Variants in PTPRD observed in about 807,000 individuals in gnomAD.
The protein encoded by PTPRD is protein tyrosine phosphatase receptor type D, also known as receptor-type tyrosine-protein phosphatase delta.
PTPRD carries 34 observed loss-of-function variants against 214.5 expected under a neutral mutation model. The ratio of observed to expected loss-of-function variants is 0.16; its 90% CI spans 0.12 to 0.21. The LOEUF (loss-of-function observed/expected upper bound fraction) is 0.21, where lower values mean the gene tolerates loss of function less well. PTPRD is among the 10% of genes least tolerant of loss of function. The pLI is 1.00. For synonymous variants in PTPRD, 1,128 were observed against 845.7 expected, an observed-to-expected ratio of 1.33 and a Z score of -5.79; for missense variants, 2,545 against 2,398.7, an observed-to-expected ratio of 1.06 and a Z score of -1.27.
intron 2 of PTPRD, among the ~76,000 whole-genome samples, chr9:10,546,635 G>T (rs1285168752): frequency 6.6e-6 from 1 of 151,988 alleles, no homozygotes; most frequent in Non-Finnish European, 1.5e-5. Flanking sequence ...AGCATTATAT[G>T]CCTTTCTAGG....
At chr9:9,948,575 A>T (rs944372756) in intron 4 of PTPRD, among the ~76,000 whole-genome samples, 3 of 152,130 alleles carry the variant, frequency 2.0e-5, no homozygotes, top group Non-Finnish European at 4.4e-5. Flanking sequence ...CTCTTTAGTG[A>T]TTGGCTTATG....
At chr9:9,955,536 T>TTTGTTTTGTTTTGTTTTG (rs1566698893) in intron 4 of PTPRD, among the ~76,000 whole-genome samples, 1 of 140,986 alleles carries the variant, frequency 7.1e-6, no homozygotes, top group East Asian at 2.0e-4. Flanking sequence ...GTTTTTTTTT[T>TTTGTTTTGTTTTGTTTTG]TTTTTGAGAC....
At chr9:8,822,822 C>G (rs1426659623) in intron 11 of PTPRD, among the ~76,000 whole-genome samples, 1 of 152,014 alleles carries the variant, frequency 6.6e-6, no homozygotes. Flanking sequence ...CTCCCATCCC[C>G]CAAAACCACC....
At chr9:10,240,024 G>A (rs978897183) in intron 3 of PTPRD, among the ~76,000 whole-genome samples, 2 of 151,946 alleles carry the variant, frequency 1.3e-5, no homozygotes, top group Non-Finnish European at 2.9e-5. Flanking sequence ...ATACTGAGGA[G>A]GGAAAAGTGT....
At chr9:8,324,003 C>A (rs1311895739) in intron 44 of PTPRD, among the ~76,000 whole-genome samples, 1 of 152,040 alleles carries the variant, frequency 6.6e-6, no homozygotes, top group Non-Finnish European at 1.5e-5. Context: ...CCTTCAGAAA[C>A]CACCGCCCAT....
At chr9:9,323,760 T>G (rs1315735358) in intron 9 of PTPRD, among the ~76,000 whole-genome samples, 1 of 152,182 alleles carries the variant, frequency 6.6e-6, no homozygotes, top group East Asian at 1.9e-4. Context: ...GTTACATATG[T>G]ATACATGTGC....
intron 44 of PTPRD, among the ~76,000 whole-genome samples, chr9:8,328,177 A>C: frequency 6.6e-6 from 1 of 152,114 alleles, no homozygotes; most frequent in Non-Finnish European, 1.5e-5. Flanking sequence ...TTCCATGTTT[A>C]GTGCTTCCTT....
At chr9:9,187,214 C>T (rs985707527) in intron 9 of PTPRD, among the ~76,000 whole-genome samples, 1 of 151,874 alleles carries the variant, frequency 6.6e-6, no homozygotes, top group African/African-American at 2.4e-5. Flanking sequence ...CTCATTAGTG[C>T]AAGCAACTGT....
Position 9,851,255 on chromosome 9 carries a change from G to A in PTPRD, c.-367-84404C>T, listed in dbSNP as rs894159970. 5.6e-4 allele frequency among the ~76,000 whole-genome samples: 85 copies of A among 152,184 alleles called. 1 individual carries two copies. The highest frequency in any genetic ancestry group is 2.8e-3 in the Admixed American group (43 of 15,278). On this transcript the variant is annotated intron_variant, in intron 5 of 45. Coordinates refer to ENST00000381196, the MANE Select transcript of PTPRD (RefSeq NM_002839.4). ...TCAAAAGTGTCTCTGAGTGAAACTT[G>A]TCTCCTGAGGGTTAATGCAGTATCG...
intron 25 of PTPRD, among the ~76,000 whole-genome samples, chr9:8,497,768 AAAG>A (rs1342337919): frequency 1.2e-4 from 19 of 152,212 alleles, no homozygotes; most frequent in African/African-American, 3.9e-4. Context: ...AAGAAAAGCC[AAAG>A]AAGAAGAGAA....
At chr9:9,429,805 T>C (rs1424520434) in intron 8 of PTPRD, among the ~76,000 whole-genome samples, 1 of 152,146 alleles carries the variant, frequency 6.6e-6, no homozygotes, top group African/African-American at 2.4e-5. Flanking sequence ...AAAACCCACA[T>C]GATAGTCTCA....
intron 2 of PTPRD, among the ~76,000 whole-genome samples, chr9:10,581,446 C>A (rs2071766659): frequency 6.6e-6 from 1 of 152,182 alleles, no homozygotes. Context: ...TCTCTTTCAA[C>A]ATTATGATGA....
chr9:9,965,397 GATAA>G (rs2094615781), intron 4 of PTPRD, among the ~76,000 whole-genome samples: 1 of 152,102 alleles, frequency 6.6e-6, no homozygotes, highest in Non-Finnish European at 1.5e-5. Flanking sequence ...ATAAAGACAT[GATAA>G]ATAGTCACGG....
chr9:9,626,587 G>C (rs986789141), intron 7 of PTPRD, among the ~76,000 whole-genome samples: 1 of 152,130 alleles, frequency 6.6e-6, no homozygotes, highest in Admixed American at 6.6e-5. Context: ...GAGGGAGAAA[G>C]AAAGGTGATT....
chr9:8,427,295 G>T (rs970473774), intron 35 of PTPRD, among the ~76,000 whole-genome samples: 1 of 152,208 alleles, frequency 6.6e-6, no homozygotes, highest in Non-Finnish European at 1.5e-5. Flanking sequence ...AGGCTTCACT[G>T]CTGATAGATC....
intron 11 of PTPRD, among the ~76,000 whole-genome samples, chr9:8,922,450 G>C (rs1243275395): frequency 6.6e-6 from 1 of 152,158 alleles, no homozygotes; most frequent in Non-Finnish European, 1.5e-5. Context: ...ACGAATATGA[G>C]AATACAAAGG....
intron 3 of PTPRD, among the ~76,000 whole-genome samples, chr9:10,117,593 G>A (rs1189002851): frequency 7.4e-6 from 1 of 135,988 alleles, no homozygotes; most frequent in Non-Finnish European, 1.6e-5. Context: ...CTTCTTCCCT[G>A]TATGGATTAA....
intron 43 of PTPRD, among the ~76,000 whole-genome samples, chr9:8,333,313 C>T (rs527924857): frequency 2.2e-4 from 33 of 152,052 alleles, no homozygotes; most frequent in Non-Finnish European, 4.4e-4. Context: ...TCATTTCTGA[C>T]CACAGTTGCT....
chr9:9,487,117 G>T (rs2095673309), intron 8 of PTPRD, among the ~76,000 whole-genome samples: 1 of 151,956 alleles, frequency 6.6e-6, no homozygotes, highest in Admixed American at 6.6e-5. Flanking sequence ...TGTGCAGGTT[G>T]GTTACATATG....
Sources: gnomAD v4.1 joint callset for allele counts (sites outside exome capture counted in the v4.1 genomes callset) on GRCh38, gnomAD v4.1.1 for gene constraint, MANE v1.5 for transcripts, NCBI Gene and HGNC (gene_info 2026-07-23, HGNC 2026-07-21) for gene names.